GINS1: variants seen among roughly 807,000 people sequenced by gnomAD.
GINS1 encodes the protein DNA replication complex GINS protein PSF1.
In GINS1, 26 loss-of-function variants were observed where a neutral mutation model predicts 34.9. The observed-to-expected ratio is 0.74, with a 90% CI of 0.55 to 1.03. The LOEUF (loss-of-function observed/expected upper bound fraction) is 1.03. Ranked by LOEUF, GINS1 falls within the 50% of genes least tolerant of loss-of-function variation. The pLI is 0.00. For missense variants in GINS1, 235 were observed against 237.9 expected, an observed-to-expected ratio of 0.99 and a Z score of 0.08; for synonymous variants, 97 against 84.4, an observed-to-expected ratio of 1.15 and a Z score of -0.82.
intron 5 of GINS1, among the ~76,000 whole-genome samples, chr20:25,426,607 C>T (rs942081377): frequency 6.6e-6 from 1 of 151,704 alleles, no homozygotes; most frequent in Non-Finnish European, 1.5e-5. Context: ...CTCACCGCAA[C>T]CTCCGCCTCC....
At chr20:25,424,862 G>A (rs1179935145) in intron 4 of GINS1, among the ~76,000 whole-genome samples, 1 of 152,150 alleles carries the variant, frequency 6.6e-6, no homozygotes, top group Non-Finnish European at 1.5e-5. Context: ...TCTTAACAAT[G>A]TTTTATAGTT....
intron 1 of GINS1, chr20:25,409,090 C>T (rs916952506): frequency 4.3e-6 from 4 of 924,542 alleles, no homozygotes; most frequent in Admixed American, 6.2e-5. Context: ...GGCATCCCAG[C>T]CAAAGGATGC....
At chr20:25,409,929 G>A (rs2090273035) in intron 1 of GINS1, among the ~76,000 whole-genome samples, 1 of 152,184 alleles carries the variant, frequency 6.6e-6, no homozygotes, top group Non-Finnish European at 1.5e-5. Flanking sequence ...TGTGCAAACA[G>A]GTGCGGCCAA....
intron 1 of GINS1, among the ~76,000 whole-genome samples, chr20:25,410,094 C>A (rs892887037): frequency 6.6e-6 from 1 of 152,188 alleles, no homozygotes; most frequent in Non-Finnish European, 1.5e-5. Context: ...GTAATCCCCC[C>A]ACTTTGGGAG....
Position 25,445,977 on chromosome 20 carries a change from C to G in GINS1, c.577C>G (p.His193Asp). ...EQLIRQGVLE[H>D]ILS Reference sequence around the variant, plus strand: ...GCTGATCAGACAAGGAGTCCTGGAGCACATCCTGTCATGACCATGCGCCGA... The same window carrying G: ...GCTGATCAGACAAGGAGTCCTGGAGGACATCCTGTCATGACCATGCGCCGA... The change falls in exon 7 of 7, where the codon CAC becomes GAC. Residue 193 changes from histidine (H) to aspartate (D), a missense_variant. Physicochemically the swap from His to Asp is moderately conservative, Grantham distance 81 (BLOSUM62 -1). Coordinates refer to ENST00000262460, the MANE Select transcript of GINS1 (RefSeq NM_021067.5). 3 of 1,608,284 alleles carry G rather than the reference C, an allele frequency of 1.9e-6. No individual in the cohort carries two copies. The highest frequency in any genetic ancestry group is 2.6e-6 in the Non-Finnish European group (3 of 1,174,860).
Position 25,436,401 on chromosome 20 carries a change from A to AG in GINS1, c.448-5301_448-5300insG, listed in dbSNP as rs200876253. On this transcript the variant is annotated intron_variant, in intron 5 of 6. Transcript: ENST00000262460. ...CAAATTTAAGGAGTTTTCAGTTACT[A>AG]TTTCTTCAAAAATTCTCTCTGCCCC... Among the ~76,000 whole-genome samples, 992 of 152,192 alleles carry AG rather than the reference A, an allele frequency of 6.5e-3. 15 individuals carry two copies. Among genetic ancestry groups the AG allele is most frequent in the African/African-American group, 0.023 (950 of 41,522 alleles).
In GINS1 at chr20:25,447,744, G is replaced by A. The variant is rs1373738967; in HGVS notation, c.*1753G>A. ...TTGCCTCGTCCTCCCCATGTGCTGG[G>A]ATTACAGGCGTGAGCCTTGGTGCTG... is the stretch of plus-strand genomic sequence containing the variant. On this transcript the variant is annotated 3_prime_UTR_variant, in exon 7 of 7. Transcript: ENST00000262460. 1 of 152,282 alleles carries A rather than the reference G, an allele frequency of 6.6e-6. No individual in the cohort carries two copies. Among genetic ancestry groups the A allele is most frequent in the Admixed American group, 6.5e-5 (1 of 15,290 alleles). 9.4% of individuals were successfully genotyped at this position (152,282 alleles called of 1,614,324 possible).
At position 25,417,203 on chromosome 20, in the gene GINS1, G is replaced by T. The variant is rs756699530; in HGVS notation, c.239+1G>T. On this transcript the variant is annotated splice_donor_variant, in intron 3 of 6. Transcript: ENST00000262460. LOFTEE classifies it high-confidence loss of function. ...ATCGACGCTGCACTGTAGCATACCT[G>T]TAAGCTTCTCAGTTTTTGCTTGGGG... The T allele has an allele frequency of 2.0e-6, 3 of 1,491,006 alleles. No homozygotes were observed. Among genetic ancestry groups the T allele is most frequent in the Non-Finnish European group, 2.8e-6 (3 of 1,073,040 alleles). 92.4% of individuals were successfully genotyped at this position (1,491,006 alleles called of 1,614,324 possible).
chr20:25,448,221 T>C lies in GINS1; in HGVS notation c.*2230T>C, dbSNP rs1360640153. 6.6e-6 allele frequency: 1 copy of C among 152,214 alleles called. No individual in the cohort carries two copies. Among genetic ancestry groups the C allele is most frequent in the Non-Finnish European group, 1.5e-5 (1 of 68,040 alleles). The allele number at this position is 152,214 out of a possible 1,614,324, so 9.4% of individuals were successfully genotyped here. On this transcript the variant is annotated 3_prime_UTR_variant, in exon 7 of 7. Transcript: ENST00000262460. ...CTTGATTGAGATTGCATTGAATTTA[T>C]ATAAAACTGTTGGGAGAATTGACAT... is the stretch of plus-strand genomic sequence containing the variant.
At position 25,445,933 on chromosome 20, in the gene GINS1, C is replaced by T. The variant is rs758457036; in HGVS notation, c.533C>T (p.Pro178Leu). The change falls in exon 7 of 7, where the codon CCT becomes CTT. Residue 178 changes from proline (P) to leucine (L), a missense_variant. Pro to Leu is a moderately conservative substitution (Grantham distance 98, BLOSUM62 -3). Coordinates refer to ENST00000262460, the MANE Select transcript of GINS1 (RefSeq NM_021067.5). Reference protein sequence around the residue: ...LLKKNSQHFLPRWKCEQLIRQ... With the variant: ...LLKKNSQHFLLRWKCEQLIRQ... ...TTCTTGTCCCCTCAGCACTTTTTACCTCGATGGAAATGTGAGCAGCTGATC... is the reference window on the plus strand; with the variant it reads ...TTCTTGTCCCCTCAGCACTTTTTACTTCGATGGAAATGTGAGCAGCTGATC... The T allele has an allele frequency of 6.8e-6, 11 of 1,605,872 alleles. No homozygotes were observed. The Admixed American group carries it at 1.8e-4, about 27-fold the overall frequency.
At position 25,445,917 on chromosome 20, in the gene GINS1, C is replaced by A; in HGVS notation, c.523-6C>A. The A allele has an allele frequency of 8.9e-6, 14 of 1,578,324 alleles. No individual in the cohort carries two copies. The highest frequency in any genetic ancestry group is 1.2e-5 in the Non-Finnish European group (14 of 1,148,826). ...ACTCTTTCTCCATCCCTTCTTGTCC[C>A]CTCAGCACTTTTTACCTCGATGGAA... On this transcript the variant is annotated splice_region_variant and splice_polypyrimidine_tract_variant and intron_variant, in intron 6 of 6. Transcript: ENST00000262460.
intron 5 of GINS1, among the ~76,000 whole-genome samples, chr20:25,432,879 A>G (rs2090435166): frequency 6.7e-6 from 1 of 148,488 alleles, no homozygotes; most frequent in Non-Finnish European, 1.5e-5. Context: ...CTTATATAAT[A>G]ACATTATATA....
chr20:25,438,491 T>C (rs1414766448), intron 5 of GINS1, among the ~76,000 whole-genome samples: 1 of 145,178 alleles, frequency 6.9e-6, no homozygotes, highest in African/African-American at 2.5e-5. Flanking sequence ...TATGAATGCA[T>C]AATGACACCA....
At chr20:25,429,111 C>T (rs1051299989) in intron 5 of GINS1, among the ~76,000 whole-genome samples, 1 of 151,538 alleles carries the variant, frequency 6.6e-6, no homozygotes, top group African/African-American at 2.4e-5. Context: ...TTCTCAGCCT[C>T]CCAAGTAGCT....
rs1351931707 is a variant in GINS1, at chr20:25,446,709, G to C, written c.*718G>C. ...CTGGTGTGGCTTGTGGCTATGGGGT[G>C]ATCACCAGTATCACCACTTTGGAAG... is the stretch of plus-strand genomic sequence containing the variant. On this transcript the variant is annotated 3_prime_UTR_variant, in exon 7 of 7. Coordinates refer to ENST00000262460, the MANE Select transcript of GINS1 (RefSeq NM_021067.5). 2.0e-5 allele frequency: 3 copies of C among 152,224 alleles called. No individual in the cohort carries two copies. The highest frequency in any genetic ancestry group is 7.2e-5 in the African/African-American group (3 of 41,460). 9.4% of individuals were successfully genotyped at this position (152,224 alleles called of 1,614,324 possible). A position where few individuals can be genotyped will look rare whatever the true frequency, so the allele number is the denominator to read the frequency against.
At chr20:25,436,045 AT>A (rs2090453576) in intron 5 of GINS1, among the ~76,000 whole-genome samples, 1 of 148,596 alleles carries the variant, frequency 6.7e-6, no homozygotes, top group South Asian at 2.1e-4. Flanking sequence ...GATGGTCTCG[AT>A]CTCCTGACCT....
chr20:25,434,834 C>G (rs1016641066), intron 5 of GINS1, among the ~76,000 whole-genome samples: 7 of 152,224 alleles, frequency 4.6e-5, no homozygotes, highest in African/African-American at 1.7e-4. Context: ...ACTCTGCTTC[C>G]AATGTGGCGC....
Position 25,448,392 on chromosome 20 carries a change from G to T in GINS1, c.*2401G>T, listed in dbSNP as rs937742436. ...GCATTTCATAGTTTTGATGCTAAAT[G>T]GTATTTTAAAATTTCAAATTCTAAC... On this transcript the variant is annotated 3_prime_UTR_variant, in exon 7 of 7. Coordinates refer to ENST00000262460, the MANE Select transcript of GINS1 (RefSeq NM_021067.5). The T allele has an allele frequency of 2.0e-5, 3 of 152,086 alleles. No homozygotes were observed. The highest frequency in any genetic ancestry group is 7.3e-5 in the African/African-American group (3 of 41,374). The allele number at this position is 152,086 out of a possible 1,614,324, so 9.4% of individuals were successfully genotyped here. A position where few individuals can be genotyped will look rare whatever the true frequency, so the allele number is the denominator to read the frequency against.
chr20:25,423,652 C>T (rs2090373071), intron 4 of GINS1, among the ~76,000 whole-genome samples: 1 of 147,206 alleles, frequency 6.8e-6, no homozygotes, highest in Admixed American at 6.8e-5. Flanking sequence ...CTCTCTGTTG[C>T]CCCCAGGCTG....
Sources: gnomAD v4.1 joint callset for allele counts (sites outside exome capture counted in the v4.1 genomes callset) on GRCh38, gnomAD v4.1.1 for gene constraint, MANE v1.5 for transcripts, NCBI Gene and HGNC (gene_info 2026-07-23, HGNC 2026-07-21) for gene names.